The following CDH4 variants were observed in gnomAD, a reference collection of about 807,000 sequenced individuals.
The protein encoded by CDH4 is cadherin 4.
In CDH4, 33 loss-of-function variants were observed where a neutral mutation model predicts 86.0. That is an observed-to-expected ratio of 0.38 (90% CI 0.29 to 0.51). The LOEUF (loss-of-function observed/expected upper bound fraction) is 0.51. Among genes scored for constraint, CDH4 ranks in the 20% least tolerant of loss-of-function variants. CDH4 has a pLI of 0.86. For synonymous variants in CDH4, 555 were observed against 549.4 expected (o/e 1.01, Z -0.14); for missense variants, 1,114 against 1,307.4 (o/e 0.85, Z 2.28).
intron 2 of CDH4, among the ~76,000 whole-genome samples, chr20:61,732,255 GACA>G (rs1398132642): frequency 1.3e-5 from 2 of 152,176 alleles, no homozygotes; most frequent in African/African-American, 4.8e-5. Flanking sequence ...TGAAGTGATG[GACA>G]TGAACACTGT....
At chr20:61,350,939 C>G (rs191242609) in intron 2 of CDH4, among the ~76,000 whole-genome samples, 150 of 152,120 alleles carry the variant, frequency 9.9e-4, no homozygotes, top group Middle Eastern at 3.4e-3. Context: ...ATACAGAGAC[C>G]ATCGCTCTAG....
At chr20:61,680,469 C>T (rs768387768) in intron 2 of CDH4, among the ~76,000 whole-genome samples, 18 of 152,042 alleles carry the variant, frequency 1.2e-4, no homozygotes, top group Non-Finnish European at 2.2e-4. Flanking sequence ...AGAAACAAGA[C>T]GGTCACTCAG....
chr20:61,889,293 C>CATGGATGG lies in CDH4; in HGVS notation c.1051-5576_1051-5569dup, dbSNP rs59254816. Among the ~76,000 whole-genome samples the CATGGATGG allele has an allele frequency of 2.7e-3, 387 of 141,844 alleles. 4 individuals are homozygous for CATGGATGG. The highest frequency in any genetic ancestry group is 6.1e-3 in the African/African-American group (232 of 38,026). The allele number at this position is 141,844 out of a possible 152,430, so 93.1% of individuals were successfully genotyped here. ...GACATAAGGAGAGGTCTCTTTAAAG[C>CATGGATGG]ATGGATGGATGGATGGATGGATGGA... On this transcript the variant is annotated intron_variant, in intron 7 of 15. Coordinates refer to ENST00000614565, the MANE Select transcript of CDH4 (RefSeq NM_001794.5).
intron 2 of CDH4, among the ~76,000 whole-genome samples, chr20:61,436,781 G>A (rs1174774783): frequency 1.3e-5 from 2 of 152,154 alleles, no homozygotes; most frequent in Admixed American, 1.3e-4. Context: ...CTGGTCCTGT[G>A]CCTGGTCTTT....
At chr20:61,534,165 A>G (rs2085976527) in intron 2 of CDH4, among the ~76,000 whole-genome samples, 1 of 152,214 alleles carries the variant, frequency 6.6e-6, no homozygotes, top group South Asian at 2.1e-4. Flanking sequence ...TTTTGGAGGC[A>G]TTTATTCTGT....
intron 2 of CDH4, among the ~76,000 whole-genome samples, chr20:61,575,236 A>T (rs1253410497): frequency 6.6e-6 from 1 of 152,218 alleles, no homozygotes; most frequent in Non-Finnish European, 1.5e-5. Flanking sequence ...CTCTTCAGTC[A>T]TGATGGCAGC....
intron 2 of CDH4, among the ~76,000 whole-genome samples, chr20:61,661,226 C>T (rs80149557): frequency 0.011 from 1,661 of 152,248 alleles, 34 homozygotes; most frequent in African/African-American, 0.037. Flanking sequence ...TGGTTCCGCC[C>T]GTCTGGGAGC....
chr20:61,723,489 C>T (rs887895732), intron 2 of CDH4, among the ~76,000 whole-genome samples: 9 of 152,184 alleles, frequency 5.9e-5, no homozygotes, highest in African/African-American at 1.9e-4. Flanking sequence ...GCAGGGTTGG[C>T]CTGGGCCCTG....
chr20:61,876,850 G>A (rs1364066815), intron 7 of CDH4, among the ~76,000 whole-genome samples: 15 of 152,292 alleles, frequency 9.8e-5, no homozygotes. Flanking sequence ...AGGGCTGGGA[G>A]GTCTGGGGTA....
chr20:61,757,256 G>A (rs1053437925), intron 3 of CDH4, among the ~76,000 whole-genome samples: 1 of 152,156 alleles, frequency 6.6e-6, no homozygotes, highest in Non-Finnish European at 1.5e-5. Context: ...CCCCCTCCAG[G>A]GGGCTCGAGT....
chr20:61,637,979 C>T (rs539104093), intron 2 of CDH4, among the ~76,000 whole-genome samples: 2 of 148,880 alleles, frequency 1.3e-5, no homozygotes, highest in South Asian at 2.1e-4. Context: ...TGCAGTGAGC[C>T]GAGATCGTGC....
At chr20:61,540,227 C>T (rs6121428) in intron 2 of CDH4, among the ~76,000 whole-genome samples, 12,679 of 152,094 alleles carry the variant, frequency 0.083, 1,505 homozygotes, top group African/African-American at 0.27. Context: ...TAGAAACTGC[C>T]GTTAGGAAGA....
At chr20:61,777,078 T>C (rs1046358563) in intron 4 of CDH4, among the ~76,000 whole-genome samples, 2 of 152,250 alleles carry the variant, frequency 1.3e-5, no homozygotes, top group African/African-American at 4.8e-5. Flanking sequence ...CTTTACCCTC[T>C]GCCCTGCTTC....
chr20:61,842,228 G>A (rs1471921621), intron 4 of CDH4, among the ~76,000 whole-genome samples: 1 of 152,208 alleles, frequency 6.6e-6, no homozygotes, highest in Non-Finnish European at 1.5e-5. Context: ...TGCTATTCAG[G>A]CGCGATGAAG....
intron 2 of CDH4, among the ~76,000 whole-genome samples, chr20:61,735,568 C>A (rs1028469359): frequency 6.6e-6 from 1 of 152,134 alleles, no homozygotes; most frequent in African/African-American, 2.4e-5. Flanking sequence ...GCCACAGGGA[C>A]CCTGAGGTTC....
intron 4 of CDH4, among the ~76,000 whole-genome samples, chr20:61,819,998 T>C (rs1035679939): frequency 6.6e-6 from 1 of 152,150 alleles, no homozygotes; most frequent in Admixed American, 6.5e-5. Context: ...GGTGGCCACC[T>C]CCTGACTTTT....
chr20:61,341,999 G>A (rs1488293931), intron 2 of CDH4, among the ~76,000 whole-genome samples: 1 of 152,212 alleles, frequency 6.6e-6, no homozygotes, highest in African/African-American at 2.4e-5. Flanking sequence ...AAACTCTTTA[G>A]AAATGCTTAG....
At position 61,676,705 on chromosome 20, in the gene CDH4, C is replaced by T. The variant is rs1600864337; in HGVS notation, c.170-66858C>T. Among the ~76,000 whole-genome samples, 1 of 152,306 alleles carries T rather than the reference C, an allele frequency of 6.6e-6. No homozygotes were observed. The highest frequency in any genetic ancestry group is 1.9e-4 in the East Asian group (1 of 5,186). On this transcript the variant is annotated intron_variant, in intron 2 of 15. Coordinates refer to ENST00000614565, the MANE Select transcript of CDH4 (RefSeq NM_001794.5). This position sits in a 1 kb window ranked among gnomAD's most constrained non-coding sequence, Gnocchi z 4.5. ...ACCCCCAGGAGCCTATGGAAGTGAC[C>T]AGATGATAAACCTTGATGTAATACA...
intron 2 of CDH4, among the ~76,000 whole-genome samples, chr20:61,621,864 G>T (rs6061676): frequency 0.013 from 2,051 of 152,324 alleles, 53 homozygotes; most frequent in African/African-American, 0.047. Context: ...GCTTCTCTCT[G>T]AAGATCCCTA....
Sources: allele counts gnomAD v4.1 joint callset (sites outside exome capture counted in the v4.1 genomes callset), GRCh38; gene constraint gnomAD v4.1.1; non-coding constraint Gnocchi (gnomAD v3.1); transcripts MANE v1.5; gene names NCBI Gene and HGNC (gene_info 2026-07-23, HGNC 2026-07-21).